Variants in PRKAR1A observed in about 807,000 individuals in gnomAD.
PRKAR1A encodes the protein protein kinase cAMP-dependent type I regulatory subunit alpha.
Under a neutral mutation model 52.0 loss-of-function variants are expected in PRKAR1A, and 3 were observed. The observed-to-expected ratio is 0.06, with a 90% CI of 0.03 to 0.15. The LOEUF is 0.15. PRKAR1A is among the 10% of genes least tolerant of loss of function. The pLI is 1.00. For missense variants in PRKAR1A, 240 were observed against 477.4 expected (o/e 0.50, Z 4.63); for synonymous variants, 188 against 168.4 (o/e 1.12, Z -0.90).
Position 68,530,583 on chromosome 17 carries a change from G to C in PRKAR1A, c.*134G>C. On this transcript the variant is annotated 3_prime_UTR_variant, in exon 11 of 11. Transcript: ENST00000589228. ...CTTCCTGTCTGTTTATATATTGAAA[G>C]TTGCTTTTATTGCACCATTTTCAAT... 6.4e-7 allele frequency: 1 copy of C among 1,559,096 alleles called. No individual in the cohort carries two copies. The highest frequency in any genetic ancestry group is 1.9e-5 in the Admixed American group (1 of 52,484).
the PRKAR1A span, among the ~76,000 whole-genome samples, chr17:68,483,005 T>C: frequency 1.3e-5 from 2 of 152,232 alleles, no homozygotes; most frequent in Non-Finnish European, 2.9e-5. Flanking sequence ...CAAATCATGC[T>C]GTGGTGTCAA....
chr17:68,436,274 A>T, the PRKAR1A span: 1 of 948,610 alleles, frequency 1.1e-6, no homozygotes, highest in Non-Finnish European at 1.7e-6. Context: ...AGTATTGCTT[A>T]CTCCCACCGC....
the PRKAR1A span, among the ~76,000 whole-genome samples, chr17:68,471,360 T>A: frequency 1.3e-5 from 2 of 152,176 alleles, no homozygotes; most frequent in African/African-American, 4.8e-5. Context: ...CACTGGTAAC[T>A]GGTTGCTTTT....
the PRKAR1A span, chr17:68,434,556 C>T: frequency 1.9e-5 from 31 of 1,613,888 alleles, no homozygotes; most frequent in Middle Eastern, 3.3e-4. Context: ...GAACACAGAC[C>T]TTTTCATCCC....
the PRKAR1A span, among the ~76,000 whole-genome samples, chr17:68,437,929 G>C: frequency 2.8e-5 from 3 of 107,216 alleles, no homozygotes; most frequent in African/African-American, 1.1e-4. Context: ...TTGAGATCAC[G>C]CAAGAGAGAC....
intron 2 of PRKAR1A, among the ~76,000 whole-genome samples, chr17:68,518,619 A>G (rs1336748717): frequency 6.6e-6 from 1 of 151,990 alleles, no homozygotes; most frequent in East Asian, 1.9e-4. Flanking sequence ...CTAGGAAACC[A>G]TTTTCCCCTC....
chr17:68,435,834 G>A, the PRKAR1A span: 655 of 874,344 alleles, frequency 7.5e-4, 1 homozygote, highest in African/African-American at 9.6e-3. Flanking sequence ...CTCTTCCTCT[G>A]TCCCCCAGGC....
the PRKAR1A span, chr17:68,450,709 GA>G: frequency 8.0e-5 from 128 of 1,598,846 alleles, no homozygotes; most frequent in Middle Eastern, 6.6e-4. Context: ...TTGAAACCCT[GA>G]GGGATTTCCC....
At chr17:68,435,303 C>T in the PRKAR1A span, among the ~76,000 whole-genome samples, 1 of 152,104 alleles carries the variant, frequency 6.6e-6, no homozygotes, top group South Asian at 2.1e-4. Context: ...ATTTGGTTTG[C>T]ACTGTACTGT....
the PRKAR1A span, chr17:68,426,202 C>A: frequency 1.3e-6 from 2 of 1,524,936 alleles, no homozygotes; most frequent in Non-Finnish European, 1.8e-6. Context: ...AGACATGAAA[C>A]AAGCACTGGG....
the PRKAR1A span, chr17:68,436,381 C>A: frequency 5.0e-6 from 8 of 1,613,524 alleles, no homozygotes; most frequent in Non-Finnish European, 6.8e-6. Context: ...CGTCAACTTA[C>A]CAGGGAGTTT....
chr17:68,473,062 C>A, the PRKAR1A span, among the ~76,000 whole-genome samples: 3 of 152,224 alleles, frequency 2.0e-5, no homozygotes, highest in African/African-American at 7.2e-5. Context: ...TCAGCAACTT[C>A]ATTTTTAATT....
chr17:68,434,473 C>G, the PRKAR1A span: 5 of 1,459,744 alleles, frequency 3.4e-6, no homozygotes, highest in Non-Finnish European at 4.7e-6. Flanking sequence ...GAGCCACTCT[C>G]TGTCCTCTCC....
downstream of PRKAR1A, among the ~76,000 whole-genome samples, chr17:68,538,408 C>A (rs1344909935): frequency 6.6e-6 from 1 of 152,246 alleles, no homozygotes; most frequent in Non-Finnish European, 1.5e-5. Flanking sequence ...AATACTCATG[C>A]TCTACTCCGA....
the PRKAR1A span, chr17:68,457,223 A>C: frequency 8.1e-7 from 1 of 1,235,330 alleles, no homozygotes; most frequent in Non-Finnish European, 1.1e-6. Context: ...CGAAGCAGAC[A>C]CCGGCCCTCC....
chr17:68,429,975 AG>A, the PRKAR1A span: 1 of 1,613,814 alleles, frequency 6.2e-7, no homozygotes, highest in Non-Finnish European at 8.5e-7. Flanking sequence ...TCTTGTTCAG[AG>A]TGGGTGTCAT....
intron 11 of PRKAR1A, chr17:68,551,032 A>G: frequency 8.2e-7 from 1 of 1,213,676 alleles, no homozygotes; most frequent in Non-Finnish European, 1.0e-6. Context: ...TTCTGGAGGA[A>G]AGCATGACTT....
the PRKAR1A span, among the ~76,000 whole-genome samples, chr17:68,494,020 AAT>A: frequency 2.6e-5 from 4 of 152,242 alleles, no homozygotes; most frequent in Non-Finnish European, 5.9e-5. Flanking sequence ...CAACGTTGTG[AAT>A]AGTTTCTAGG....
At chr17:68,539,425 G>A in intron 11 of PRKAR1A, 1 of 1,606,152 alleles carries the variant, frequency 6.2e-7, no homozygotes, top group Non-Finnish European at 8.5e-7. Context: ...TTTTATGGGT[G>A]GCCGGCAGCA....
Sources: gnomAD v4.1 joint callset for allele counts (sites outside exome capture counted in the v4.1 genomes callset) on GRCh38, gnomAD v4.1.1 for gene constraint, MANE v1.5 for transcripts, NCBI Gene and HGNC (gene_info 2026-07-23, HGNC 2026-07-21) for gene names.